The following CEP162 variants were observed in gnomAD, a reference collection of about 807,000 sequenced individuals.
The protein encoded by CEP162 is centrosomal protein 162, also known as centrosomal protein of 162 kDa.
Under a neutral mutation model 169.2 loss-of-function variants are expected in CEP162, and 141 were observed. The ratio of observed to expected loss-of-function variants is 0.83; its 90% confidence interval spans 0.73 to 0.96. CEP162 has a LOEUF of 0.96. CEP162 is among the 40% of genes least tolerant of loss of function. The pLI is 0.00. For synonymous variants in CEP162, 540 were observed against 526.4 expected, an observed-to-expected ratio of 1.03 and a Z score of -0.35; for missense variants, 1,600 against 1,587.2, an observed-to-expected ratio of 1.01 and a Z score of -0.14.
intron 13 of CEP162, among the ~76,000 whole-genome samples, chr6:84,178,546 TTTGA>T (rs1372391689): frequency 1.3e-5 from 2 of 152,228 alleles, no homozygotes; most frequent in African/African-American, 2.4e-5. Flanking sequence ...TAAAGTATGC[TTTGA>T]TTAATACAAT....
At chr6:84,226,475 A>G in intron 1 of CEP162, 23 bp from the exon 2 acceptor site, 1 of 988,350 alleles carries the variant, frequency 1.0e-6, no homozygotes. Context: ...AGACATAAAC[A>G]TCTTTTGAGG....
intron 17 of CEP162, among the ~76,000 whole-genome samples, chr6:84,170,010 T>C (rs531194836): frequency 5.3e-5 from 8 of 152,164 alleles, no homozygotes; most frequent in Non-Finnish European, 7.3e-5. Context: ...CTGGGATAGA[T>C]CTTCTTTTAG....
At chr6:84,151,214 G>A (rs1476222846) in intron 23 of CEP162, among the ~76,000 whole-genome samples, 1 of 152,048 alleles carries the variant, frequency 6.6e-6, no homozygotes, top group Admixed American at 6.6e-5. Context: ...CCGGAGAGCA[G>A]AGTGACCCAG....
intron 7 of CEP162, among the ~76,000 whole-genome samples, chr6:84,203,089 T>C (rs1485234687): frequency 6.6e-6 from 1 of 152,188 alleles, no homozygotes; most frequent in Non-Finnish European, 1.5e-5. Flanking sequence ...ACAATATTAA[T>C]TGTTCTACTA....
intron 13 of CEP162, among the ~76,000 whole-genome samples, chr6:84,182,095 AG>A (rs1455133890): frequency 6.6e-6 from 1 of 152,036 alleles, no homozygotes; most frequent in Admixed American, 6.6e-5. Context: ...GAACCTGTAA[AG>A]TGTAATCTCA....
chr6:84,182,570 C>T (rs1040597459), intron 13 of CEP162, among the ~76,000 whole-genome samples: 5 of 152,116 alleles, frequency 3.3e-5, no homozygotes, highest in Admixed American at 6.6e-5. Flanking sequence ...ATTCAACTTA[C>T]GGCCACAAGA....
At chr6:84,201,081 A>C (rs2099544271) in intron 8 of CEP162, among the ~76,000 whole-genome samples, 176 bp from the exon 9 acceptor site, 1 of 152,218 alleles carries the variant, frequency 6.6e-6, no homozygotes, top group South Asian at 2.1e-4. Context: ...GATCGAGACC[A>C]TCCTGGCTAA....
At chr6:84,138,802 C>T (rs1021114185) in intron 25 of CEP162, among the ~76,000 whole-genome samples, 1 of 152,160 alleles carries the variant, frequency 6.6e-6, no homozygotes, top group African/African-American at 2.4e-5. Flanking sequence ...AAAAACTTTA[C>T]TTCAGTTCTG....
intron 5 of CEP162, among the ~76,000 whole-genome samples, chr6:84,214,600 T>C (rs2099550837): frequency 1.3e-5 from 2 of 152,204 alleles, no homozygotes; most frequent in Non-Finnish European, 2.9e-5. Flanking sequence ...CTAACCATCC[T>C]GCAGAGCCTA....
intron 11 of CEP162, among the ~76,000 whole-genome samples, chr6:84,190,323 A>C (rs1172739939): frequency 6.6e-6 from 1 of 152,176 alleles, no homozygotes; most frequent in Non-Finnish European, 1.5e-5. Context: ...AAAACAGGCC[A>C]CTTGGCTCTA....
intron 23 of CEP162, among the ~76,000 whole-genome samples, 173 bp from the exon 24 acceptor site, chr6:84,149,876 A>C (rs1388390939): frequency 2.0e-5 from 3 of 152,176 alleles, no homozygotes; most frequent in Admixed American, 6.6e-5. Context: ...ATGAGTTCTT[A>C]TGACCAATCC....
At chr6:84,193,482 AAG>A in intron 11 of CEP162, 125 bp downstream of exon 11, 1 of 499,564 alleles carries the variant, frequency 2.0e-6, no homozygotes, top group Non-Finnish European at 3.6e-6. Context: ...ATATAAAAAG[AAG>A]AGAGTTATGA....
intron 13 of CEP162, among the ~76,000 whole-genome samples, chr6:84,183,149 ATG>A (rs1222033364): frequency 6.6e-6 from 1 of 152,158 alleles, no homozygotes; most frequent in Non-Finnish European, 1.5e-5. Context: ...AATTTTAATA[ATG>A]TGTTTTTTTT....
rs2099544140 is a variant in CEP162, at chr6:84,200,842, G to A, written c.782C>T (p.Thr261Ile). The A allele has an allele frequency of 6.2e-7, 1 of 1,612,218 alleles. No homozygotes were observed. The highest frequency in any genetic ancestry group is 8.5e-7 in the Non-Finnish European group (1 of 1,178,656). ...EVNLDEQDKI[T>I]PKPRCLPEMT... ...TTCTGGTAGGCACCTTGGCTTAGGT[G>A]TTATTTTATCTTGTTCATCAAGATT... Residue 261 changes from threonine to isoleucine, a missense_variant, in exon 9 of 27, where the codon ACA becomes ATA. Transcript: ENST00000403245.
intron 25 of CEP162, among the ~76,000 whole-genome samples, chr6:84,146,131 T>C (rs1350107012): frequency 1.3e-5 from 2 of 152,096 alleles, no homozygotes; most frequent in African/African-American, 4.8e-5. Context: ...TCCTCTTCCT[T>C]TGCCAATCCC....
At position 84,215,873 on chromosome 6, in the gene CEP162, C is replaced by T. The variant is rs370801534; in HGVS notation, c.222G>A (p.Gln74=). 2 of 1,579,634 alleles carry T rather than the reference C, an allele frequency of 1.3e-6. No individual in the cohort carries two copies. The highest frequency in any genetic ancestry group is 8.6e-7 in the Non-Finnish European group (1 of 1,161,106). ...ACTCCTCTTCTATTTCCATAACAGG[C>T]TGAGAAGTCTTCTTTGTTTTCAAAT... ...VSYLKTKKTS[Q]PVMEIEEESA... Residue 74 remains glutamine, a synonymous_variant, in exon 4 of 27, where the codon CAG becomes CAA. Transcript: ENST00000403245.
chr6:84,208,270 T>C (rs992131574), intron 6 of CEP162, among the ~76,000 whole-genome samples: 1 of 152,170 alleles, frequency 6.6e-6, no homozygotes, highest in Non-Finnish European at 1.5e-5. Flanking sequence ...AGGAATTATT[T>C]GGCCAGGATC....
intron 13 of CEP162, among the ~76,000 whole-genome samples, chr6:84,183,470 T>C (rs2099535785): frequency 6.6e-6 from 1 of 152,064 alleles, no homozygotes; most frequent in South Asian, 2.1e-4. Flanking sequence ...CACTCCCCAG[T>C]CTCATTCCCT....
chr6:84,223,971 A>G (rs1241052363), intron 2 of CEP162, among the ~76,000 whole-genome samples: 1 of 152,164 alleles, frequency 6.6e-6, no homozygotes, highest in East Asian at 1.9e-4. Flanking sequence ...ATGTAAAATA[A>G]CACAGTCATT....
Sources: gnomAD v4.1 joint callset for allele counts (sites outside exome capture counted in the v4.1 genomes callset) on GRCh38, gnomAD v4.1.1 for gene constraint, MANE v1.5 for transcripts, NCBI Gene and HGNC (gene_info 2026-07-23, HGNC 2026-07-21) for gene names.